EYS: variants seen among roughly 807,000 people sequenced by gnomAD.
EYS encodes the protein EGF-like photoreceptor maintenance factor, also known as protein eyes shut homolog.
A neutral mutation model predicts 282.1 loss-of-function variants in EYS; 250 were observed. The ratio of observed to expected loss-of-function variants is 0.89; its 90% CI spans 0.80 to 0.98. EYS has a LOEUF of 0.98. EYS is among the 50% of genes least tolerant of loss of function. The probability of loss-of-function intolerance (pLI) is 0.00; values close to 1 mark genes in which losing one functional copy is unlikely to be tolerated. For missense variants in EYS, 4,016 were observed against 3,709.0 expected (o/e 1.08, Z -2.15); for synonymous variants, 1,355 against 1,282.9 (o/e 1.06, Z -1.20).
At chr6:65,382,890 T>C (rs2150350762) in intron 8 of EYS, among the ~76,000 whole-genome samples, 1 of 152,086 alleles carries the variant, frequency 6.6e-6, no homozygotes, top group Non-Finnish European at 1.5e-5. Flanking sequence ...TAATCTCCTT[T>C]GACAACACCC....
At chr6:64,097,958 T>C (rs1772689979) in intron 31 of EYS, among the ~76,000 whole-genome samples, 1 of 152,178 alleles carries the variant, frequency 6.6e-6, no homozygotes, top group Admixed American at 6.5e-5. Flanking sequence ...AAAATACAAA[T>C]TTCAATCACT....
rs369385190 is a variant in EYS, at chr6:65,400,395, C to T, written c.1184+2083G>A. 3.3e-5 allele frequency among the ~76,000 whole-genome samples: 5 copies of T among 152,008 alleles called. No individual in the cohort carries two copies. The East Asian group carries it at 7.7e-4, about 24-fold the overall frequency. On this transcript the variant is annotated intron_variant, in intron 7 of 42. Transcript: ENST00000503581. ...AAAGTTGTATTCTATCTGTCTGATA[C>T]CTCCAAGACATCAATTATTCCTTTT...
At chr6:65,576,153 A>G (rs1460136395) in intron 2 of EYS, among the ~76,000 whole-genome samples, 1 of 152,026 alleles carries the variant, frequency 6.6e-6, no homozygotes, top group African/African-American at 2.4e-5. Flanking sequence ...CAATAATCTT[A>G]ATGAACATAC....
intron 14 of EYS, among the ~76,000 whole-genome samples, chr6:64,975,406 C>T (rs922987058): frequency 5.3e-5 from 8 of 151,806 alleles, no homozygotes; most frequent in Non-Finnish European, 7.4e-5. Context: ...GAGGAAAGGG[C>T]TCTGGTTATT....
At chr6:64,974,644 T>C (rs549612366) in intron 14 of EYS, among the ~76,000 whole-genome samples, 1 of 152,026 alleles carries the variant, frequency 6.6e-6, no homozygotes, top group East Asian at 1.9e-4. Context: ...TATCTTCATG[T>C]CCTTATAGGA....
chr6:65,543,986 T>C (rs1053196730), intron 2 of EYS, among the ~76,000 whole-genome samples: 2 of 130,494 alleles, frequency 1.5e-5, no homozygotes, highest in Non-Finnish European at 3.4e-5. Flanking sequence ...TCCCACTTAT[T>C]ACTGAAAAAG....
intron 22 of EYS, among the ~76,000 whole-genome samples, chr6:64,632,860 C>T (rs1324662847): frequency 6.6e-6 from 1 of 152,004 alleles, no homozygotes; most frequent in Non-Finnish European, 1.5e-5. Context: ...CAATTGATCA[C>T]ATTATATGCT....
chr6:64,609,111 G>A (rs902163001), intron 24 of EYS, among the ~76,000 whole-genome samples: 1 of 152,134 alleles, frequency 6.6e-6, no homozygotes, highest in African/African-American at 2.4e-5. Flanking sequence ...CTCTGTCATG[G>A]GATGTTGATA....
At chr6:64,514,992 C>T (rs1158864392) in intron 26 of EYS, among the ~76,000 whole-genome samples, 4 of 151,696 alleles carry the variant, frequency 2.6e-5, no homozygotes, top group Non-Finnish European at 3.0e-5. Context: ...TGCAATTTTT[C>T]TCTATTGTCA....
chr6:64,576,957 C>G lies in EYS; in HGVS notation c.5644+13266G>C, dbSNP rs1562071317. On this transcript the variant is annotated intron_variant, in intron 26 of 42. Transcript: ENST00000503581. ...GTTAAGGTGAGATTGAGACTGAATC[C>G]ATTATGACTGGTGTTCTTCTAAAAA... 2.6e-5 allele frequency among the ~76,000 whole-genome samples: 4 copies of G among 152,112 alleles called. No individual in the cohort carries two copies. The East Asian group carries it at 7.7e-4, about 29-fold the overall frequency.
intron 35 of EYS, among the ~76,000 whole-genome samples, chr6:63,934,902 A>C (rs948495968): frequency 1.3e-5 from 2 of 151,802 alleles, no homozygotes; most frequent in Non-Finnish European, 2.9e-5. Context: ...ATTATAATAA[A>C]AAAATAAAAA....
At chr6:65,275,943 T>C (rs6455034) in intron 12 of EYS, among the ~76,000 whole-genome samples, 38,905 of 152,008 alleles carry the variant, frequency 0.26, 5,201 homozygotes, top group Non-Finnish European at 0.28. Flanking sequence ...AAATACCTTA[T>C]CACCATCATG....
intron 12 of EYS, among the ~76,000 whole-genome samples, chr6:65,241,024 A>G (rs1439633123): frequency 6.6e-6 from 1 of 152,150 alleles, no homozygotes; most frequent in Non-Finnish European, 1.5e-5. Flanking sequence ...AAATGCATAA[A>G]TATTTTTCTA....
intron 30 of EYS, among the ~76,000 whole-genome samples, chr6:64,249,650 A>G (rs2150347831): frequency 6.6e-6 from 1 of 152,316 alleles, no homozygotes; most frequent in East Asian, 1.9e-4. Flanking sequence ...ATAGTAATCA[A>G]TGGACTTGAA....
intron 28 of EYS, among the ~76,000 whole-genome samples, chr6:64,414,083 A>T (rs1398126404): frequency 6.6e-6 from 1 of 152,174 alleles, no homozygotes; most frequent in Non-Finnish European, 1.5e-5. Flanking sequence ...TCTGTTATTT[A>T]TAAGCTACCC....
chr6:64,203,031 G>C (rs1469016999), intron 31 of EYS, among the ~76,000 whole-genome samples: 7 of 152,194 alleles, frequency 4.6e-5, no homozygotes, highest in Non-Finnish European at 1.0e-4. Context: ...TACTAATACA[G>C]AGTCAAAGAC....
intron 28 of EYS, among the ~76,000 whole-genome samples, chr6:64,392,090 T>C (rs910549905): frequency 2.6e-5 from 4 of 151,898 alleles, no homozygotes; most frequent in East Asian, 1.9e-4. Flanking sequence ...CCTAAATATA[T>C]ATGCACCCAA....
At chr6:64,514,370 A>G (rs1777498451) in intron 26 of EYS, among the ~76,000 whole-genome samples, 2 of 151,880 alleles carry the variant, frequency 1.3e-5, no homozygotes, top group African/African-American at 2.4e-5. Context: ...AATAACAGAC[A>G]GATTGAAAAT....
At chr6:64,538,959 T>A (rs1160211286) in intron 26 of EYS, among the ~76,000 whole-genome samples, 4 of 152,222 alleles carry the variant, frequency 2.6e-5, no homozygotes, top group Non-Finnish European at 5.9e-5. Context: ...TGAGCCCAGA[T>A]GTGCTCTAAA....
Sources: allele counts gnomAD v4.1 joint callset (sites outside exome capture counted in the v4.1 genomes callset), GRCh38; gene constraint gnomAD v4.1.1; transcripts MANE v1.5; gene names NCBI Gene and HGNC (gene_info 2026-07-23, HGNC 2026-07-21).